PRIM2: variants seen among roughly 807,000 people sequenced by gnomAD.
PRIM2 encodes the protein DNA primase large subunit.
In PRIM2, 39 loss-of-function variants were observed where a neutral mutation model predicts 67.3. That is an observed-to-expected ratio of 0.58 (90% CI 0.45 to 0.76). The LOEUF (loss-of-function observed/expected upper bound fraction) is 0.76. Ranked by LOEUF, PRIM2 falls within the 30% of genes least tolerant of loss-of-function variation. The pLI is 0.00. For missense variants in PRIM2, 398 were observed against 598.7 expected (o/e 0.66, Z 3.50); for synonymous variants, 143 against 198.7 (o/e 0.72, Z 2.36).
At chr6:57,606,245 G>A in intron 11 of PRIM2, 130 bp from the exon 12 acceptor site, 2 of 670,300 alleles carry the variant, frequency 3.0e-6, no homozygotes, top group Non-Finnish European at 2.7e-6. Flanking sequence ...GCACCCATGG[G>A]CAATTACCTT....
intron 7 of PRIM2, among the ~76,000 whole-genome samples, chr6:57,475,188 A>G (rs1279118360): frequency 6.6e-6 from 1 of 152,154 alleles, no homozygotes; most frequent in Non-Finnish European, 1.5e-5. Flanking sequence ...TCCTCCTCCT[A>G]CAACTTTTTT....
the PRIM2 span, among the ~76,000 whole-genome samples, chr6:57,285,846 A>C: frequency 6.6e-6 from 1 of 152,214 alleles, no homozygotes; most frequent in Non-Finnish European, 1.5e-5. Flanking sequence ...ATGATTGTAT[A>C]TTTAGAAAAC....
the PRIM2 span, among the ~76,000 whole-genome samples, chr6:57,295,083 G>A: frequency 6.6e-6 from 1 of 152,112 alleles, no homozygotes; most frequent in Non-Finnish European, 1.5e-5. Context: ...TAGCCACCAC[G>A]CCCAGCTGTA....
chr6:57,410,331 CAAAAAAA>C (rs66631802), intron 7 of PRIM2, among the ~76,000 whole-genome samples: 2 of 105,396 alleles, frequency 1.9e-5, no homozygotes, highest in South Asian at 6.6e-4. Context: ...AACGCCATCT[CAAAAAAA>C]AAAAAAAAAA....
At chr6:57,510,775 A>G (rs1464879967) in intron 8 of PRIM2, among the ~76,000 whole-genome samples, 1 of 152,196 alleles carries the variant, frequency 6.6e-6, no homozygotes, top group African/African-American at 2.4e-5. Flanking sequence ...ACGCCTTTCA[A>G]GAATACTGAA....
chr6:57,566,173 A>G (rs1176348173), intron 10 of PRIM2, among the ~76,000 whole-genome samples: 2 of 134,222 alleles, frequency 1.5e-5, no homozygotes, highest in African/African-American at 5.6e-5. Context: ...TGTATAACCC[A>G]TTTTTTTTTT....
chr6:57,645,181 T>C (rs1777312441), intron 13 of PRIM2, among the ~76,000 whole-genome samples: 1 of 151,982 alleles, frequency 6.6e-6, no homozygotes, highest in African/African-American at 2.4e-5. Context: ...ATCAAAATGA[T>C]CAAAAATGAT....
intron 7 of PRIM2, among the ~76,000 whole-genome samples, chr6:57,500,657 G>A (rs1274725507): frequency 6.6e-6 from 1 of 152,264 alleles, no homozygotes; most frequent in South Asian, 2.1e-4. Flanking sequence ...TAGTTAAGGC[G>A]GTCTTTTTCT....
chr6:57,287,996 G>A, the PRIM2 span, among the ~76,000 whole-genome samples: 1 of 152,134 alleles, frequency 6.6e-6, no homozygotes, highest in Non-Finnish European at 1.5e-5. Flanking sequence ...AAGCACAAGA[G>A]GCCAGGGATT....
chr6:57,270,565 A>G, the PRIM2 span, among the ~76,000 whole-genome samples: 3 of 152,170 alleles, frequency 2.0e-5, no homozygotes, highest in African/African-American at 4.8e-5. Flanking sequence ...CAATCATGTC[A>G]TCTGCAAACA....
the PRIM2 span, among the ~76,000 whole-genome samples, chr6:57,269,658 G>T: frequency 1.3e-5 from 2 of 152,100 alleles, no homozygotes; most frequent in East Asian, 1.9e-4. Context: ...GTCAATTTTG[G>T]CTTTTGTTGC....
chr6:57,337,863 A>G (rs1444622152), intron 5 of PRIM2, among the ~76,000 whole-genome samples: 1 of 152,238 alleles, frequency 6.6e-6, no homozygotes, highest in Non-Finnish European at 1.5e-5. Flanking sequence ...ACATCAGAGC[A>G]GAACTGAAGG....
At chr6:57,641,146 C>T (rs2127501752) in intron 13 of PRIM2, among the ~76,000 whole-genome samples, 1 of 152,142 alleles carries the variant, frequency 6.6e-6, no homozygotes, top group East Asian at 1.9e-4. Context: ...GGAAAAGATT[C>T]TCTATTTAAT....
intron 5 of PRIM2, among the ~76,000 whole-genome samples, chr6:57,344,123 G>T (rs1768592032): frequency 5.3e-5 from 8 of 151,758 alleles, no homozygotes; most frequent in Admixed American, 5.3e-4. Flanking sequence ...TTTGTCAAGT[G>T]TCAAACATAA....
At chr6:57,536,739 T>C (rs1407106271) in intron 9 of PRIM2, among the ~76,000 whole-genome samples, 4 of 152,176 alleles carry the variant, frequency 2.6e-5, no homozygotes, top group Non-Finnish European at 5.9e-5. Flanking sequence ...AAACAATACA[T>C]ATTATATGAT....
the PRIM2 span, among the ~76,000 whole-genome samples, chr6:57,294,114 A>AT: frequency 6.6e-6 from 1 of 152,172 alleles, no homozygotes; most frequent in Admixed American, 6.5e-5. Context: ...AAAAATGATG[A>AT]TGTAGTGCTG....
intron 5 of PRIM2, among the ~76,000 whole-genome samples, chr6:57,361,816 A>G (rs1769210312): frequency 6.6e-6 from 1 of 152,216 alleles, no homozygotes; most frequent in Non-Finnish European, 1.5e-5. Flanking sequence ...TGAAGAGAGC[A>G]GGAAAAGACT....
chr6:57,490,600 CAAG>C (rs1402778509), intron 7 of PRIM2, among the ~76,000 whole-genome samples: 3 of 151,932 alleles, frequency 2.0e-5, no homozygotes, highest in African/African-American at 7.3e-5. Context: ...TGTTAACAAA[CAAG>C]AAGTCATAAA....
the PRIM2 span, among the ~76,000 whole-genome samples, chr6:57,291,423 G>A: frequency 6.6e-6 from 1 of 152,152 alleles, no homozygotes; most frequent in Admixed American, 6.5e-5. Context: ...GAGGTACAAA[G>A]AGGAGCTGCT....
Sources: allele counts gnomAD v4.1 joint callset (sites outside exome capture counted in the v4.1 genomes callset), GRCh38; gene constraint gnomAD v4.1.1; transcripts MANE v1.5; gene names NCBI Gene and HGNC (gene_info 2026-07-23, HGNC 2026-07-21).